DRC7: variants seen among roughly 807,000 people sequenced by gnomAD.
DRC7 encodes coiled-coil domain containing 135.
DRC7 carries 80 observed loss-of-function variants against 104.4 expected under a neutral mutation model. The observed-to-expected ratio is 0.77, with a 90% confidence interval of 0.64 to 0.92. The LOEUF (loss-of-function observed/expected upper bound fraction) is 0.92, where lower values mean the gene tolerates loss of function less well. Among genes scored for constraint, DRC7 ranks in the 40% least tolerant of loss-of-function variants. The probability of loss-of-function intolerance (pLI) is 0.00; values close to 1 mark genes in which losing one functional copy is unlikely to be tolerated. For missense variants in DRC7, 1,034 were observed against 1,141.1 expected, an observed-to-expected ratio of 0.91 and a Z score of 1.35; for synonymous variants, 405 against 447.3, an observed-to-expected ratio of 0.91 and a Z score of 1.19.
intron 15 of DRC7, 25 bp from the exon 16 acceptor site, chr16:57,727,274 C>T (rs767587629): frequency 1.7e-5 from 27 of 1,567,608 alleles, no homozygotes; most frequent in Admixed American, 3.3e-5. Flanking sequence ...GTCTCCATCA[C>T]GCCCTCCAAC....
chr16:57,707,813 G>A (rs775408453), intron 8 of DRC7, 135 bp downstream of exon 8: 81 of 720,070 alleles, frequency 1.1e-4, no homozygotes, highest in Non-Finnish European at 1.8e-4. Context: ...CTCCATAGCT[G>A]CGTCTCCATG....
At chr16:57,729,674 G>A (rs866048423) in intron 17 of DRC7, among the ~76,000 whole-genome samples, 198 of 89,418 alleles carry the variant, frequency 2.2e-3, no homozygotes, top group Middle Eastern at 5.7e-3. Context: ...TGAATGGATG[G>A]GTGGGTGGGT....
At position 57,698,236 on chromosome 16, in the gene DRC7, C is replaced by T; in HGVS notation, c.203+84C>T. ...CCCAGGCAGAGTGCTGGTGCCTGGTCTGGTAGGGTGACCAGGAGATAGAGG... is the reference window on the plus strand; with the variant it reads ...CCCAGGCAGAGTGCTGGTGCCTGGTTTGGTAGGGTGACCAGGAGATAGAGG... On this transcript the variant is annotated intron_variant, in intron 3 of 18. Transcript: ENST00000360716. 4 of 1,587,262 alleles carry T rather than the reference C, an allele frequency of 2.5e-6. No homozygotes were observed. In the South Asian group the frequency reaches 3.4e-5, roughly 13 times the overall value.
Position 57,707,691 on chromosome 16 carries a change from G to C in DRC7, c.1077+13G>C. 6.2e-7 allele frequency: 1 copy of C among 1,610,678 alleles called. No homozygotes were observed. Among genetic ancestry groups the C allele is most frequent in the Non-Finnish European group, 8.5e-7 (1 of 1,178,428 alleles). ...GAACTGCTGCAAGGTGCCTAGGGAG[G>C]GGGAGCTGGGTGGGTGTGGCAGGCA... On this transcript the variant is annotated intron_variant, in intron 8 of 18. Transcript: ENST00000360716.
intron 9 of DRC7, among the ~76,000 whole-genome samples, chr16:57,719,033 G>T (rs532519490): frequency 6.6e-6 from 1 of 150,552 alleles, no homozygotes; most frequent in Non-Finnish European, 1.5e-5. Flanking sequence ...GCAGAGCGGG[G>T]TCATAACACC....
chr16:57,703,950 G>C (rs1382957338), intron 6 of DRC7, among the ~76,000 whole-genome samples: 2 of 118,678 alleles, frequency 1.7e-5, no homozygotes, highest in African/African-American at 6.8e-5. Flanking sequence ...CTGGGCAACA[G>C]AGGGATACTC....
At position 57,726,127 on chromosome 16, in the gene DRC7, G is replaced by A. The variant is rs560721150; in HGVS notation, c.1818G>A (p.Glu606=). ...AGCCCGCGGAGGAGGACGTGGCAGA[G>A]CGCGTGTTTCTGGTCGCGGAGGAGC... ...PAKPAEEDVA[E]RVFLVAEERI... The change falls in exon 14 of 19, where the codon GAG becomes GAA. Residue 606 remains glutamate, a synonymous_variant. Coordinates refer to ENST00000360716, the MANE Select transcript of DRC7 (RefSeq NM_001289162.2). 2 of 1,613,262 alleles carry A rather than the reference G, an allele frequency of 1.2e-6. No individual in the cohort carries two copies. Among genetic ancestry groups the A allele is most frequent in the Non-Finnish European group, 1.7e-6 (2 of 1,180,030 alleles).
chr16:57,712,433 G>C (rs2048799029), intron 8 of DRC7, among the ~76,000 whole-genome samples: 1 of 152,168 alleles, frequency 6.6e-6, no homozygotes, highest in Non-Finnish European at 1.5e-5. Context: ...ATTTGGTCCA[G>C]TGTCTGAGCC....
At chr16:57,720,476 C>T (rs1383589104) in intron 9 of DRC7, among the ~76,000 whole-genome samples, 3 of 152,210 alleles carry the variant, frequency 2.0e-5, no homozygotes, top group Non-Finnish European at 2.9e-5. Flanking sequence ...CCAGCCAGGG[C>T]CTGAGAGCCC....
intron 17 of DRC7, among the ~76,000 whole-genome samples, chr16:57,729,972 G>A (rs1330974554): frequency 7.0e-6 from 1 of 141,928 alleles, no homozygotes; most frequent in African/African-American, 2.7e-5. Context: ...ATGGATGGGC[G>A]AGTGGATAGA....
chr16:57,717,120 T>C (rs1250041617), intron 8 of DRC7, among the ~76,000 whole-genome samples: 1 of 149,916 alleles, frequency 6.7e-6, no homozygotes, highest in Non-Finnish European at 1.5e-5. Context: ...ATCATACCAC[T>C]GCACTCCAGC....
intron 2 of DRC7, among the ~76,000 whole-genome samples, chr16:57,696,882 T>G (rs1206229865): frequency 2.6e-5 from 4 of 152,214 alleles, no homozygotes; most frequent in African/African-American, 9.6e-5. Context: ...TCATATCACC[T>G]TACCGTTAGG....
intron 8 of DRC7, among the ~76,000 whole-genome samples, chr16:57,717,435 A>G (rs2148759005): frequency 6.6e-6 from 1 of 150,384 alleles, no homozygotes; most frequent in East Asian, 2.0e-4. Flanking sequence ...ACGGTGCCTC[A>G]TGCCTGTAAT....
In DRC7 at chr16:57,726,086, T is replaced by C. The variant is rs1305077221; in HGVS notation, c.1777T>C (p.Phe593Leu). 4 of 1,613,204 alleles carry C rather than the reference T, an allele frequency of 2.5e-6. No individual in the cohort carries two copies. The South Asian group carries it at 4.4e-5, about 18-fold the overall frequency. The change falls in exon 14 of 19, where the codon TTC becomes CTC. Residue 593 changes from phenylalanine to leucine, a missense_variant. By Grantham distance (22) the Phe-to-Leu change is conservative (BLOSUM62 0). Transcript: ENST00000360716. ...CTCCCAGAAAATCACAGAGCGGTTC[T>C]TCCGCAACCCAGCGAAGCCCGCGGA... ...RPIVKITERFFRNPAKPAEED... is the reference protein window; with the variant it reads ...RPIVKITERFLRNPAKPAEED...
chr16:57,721,589 G>A lies in DRC7; in HGVS notation c.1207-78G>A, dbSNP rs2048903171. 3.5e-6 allele frequency: 4 copies of A among 1,150,334 alleles called. No homozygotes were observed. In the African/African-American group the frequency reaches 6.1e-5, roughly 18 times the overall value. The allele number at this position is 1,150,334 out of a possible 1,614,324, so 71.3% of individuals were successfully genotyped here. On this transcript the variant is annotated intron_variant, in intron 9 of 18. Coordinates refer to ENST00000360716, the MANE Select transcript of DRC7 (RefSeq NM_001289162.2). The stretch of plus-strand genomic sequence containing the variant: ...CCACCTTGGCTTGGCTCTGCAGGCA[G>A]AGACAGAGCTTTGACCATAACTTCT...
At chr16:57,720,068 G>T (rs2048886621) in intron 9 of DRC7, among the ~76,000 whole-genome samples, 1 of 152,194 alleles carries the variant, frequency 6.6e-6, no homozygotes, top group African/African-American at 2.4e-5. Flanking sequence ...TAAGCACTGG[G>T]ATCCATTGTA....
intron 9 of DRC7, among the ~76,000 whole-genome samples, chr16:57,721,445 G>A (rs548085084): frequency 3.2e-4 from 49 of 152,270 alleles, no homozygotes; most frequent in African/African-American, 1.2e-3. Context: ...AGGGCAGGGG[G>A]TGCTGCTGTC....
intron 2 of DRC7, among the ~76,000 whole-genome samples, chr16:57,697,525 G>A (rs143178671): frequency 1.9e-3 from 285 of 152,046 alleles, no homozygotes; most frequent in African/African-American, 6.4e-3. Context: ...CCATGATCGT[G>A]CTGCTGCACT....
chr16:57,705,172 C>T (rs1202961888), intron 7 of DRC7, 138 bp downstream of exon 7: 8 of 984,832 alleles, frequency 8.1e-6, no homozygotes, highest in African/African-American at 4.9e-5. Context: ...CCCCCAACCT[C>T]TACCTGGCCC....
Sources: allele counts gnomAD v4.1 joint callset (sites outside exome capture counted in the v4.1 genomes callset), GRCh38; gene constraint gnomAD v4.1.1; transcripts MANE v1.5; gene names NCBI Gene and HGNC (gene_info 2026-07-23, HGNC 2026-07-21).